Variants in EFCAB6 observed in about 807,000 individuals in gnomAD.
The protein encoded by EFCAB6 is EF-hand calcium binding domain 6, also known as EF-hand calcium-binding domain-containing protein 6.
Under a neutral mutation model 169.8 loss-of-function variants are expected in EFCAB6, and 156 were observed. That is an observed-to-expected ratio of 0.92 (90% CI 0.81 to 1.05). EFCAB6 has a LOEUF of 1.05. Ranked by LOEUF, EFCAB6 falls within the 50% of genes least tolerant of loss-of-function variation. The pLI, the probability that EFCAB6 is intolerant of heterozygous loss-of-function variation, is 0.00. For synonymous variants in EFCAB6, 698 were observed against 676.4 expected, an observed-to-expected ratio of 1.03 and a Z score of -0.50; for missense variants, 1,800 against 1,829.1, an observed-to-expected ratio of 0.98 and a Z score of 0.29.
chr22:43,730,678 G>A (rs1430766820), intron 8 of EFCAB6, among the ~76,000 whole-genome samples: 2 of 152,158 alleles, frequency 1.3e-5, no homozygotes, highest in African/African-American at 2.4e-5. Flanking sequence ...GTTATTTCTG[G>A]GTAGTGGGCT....
intron 30 of EFCAB6, among the ~76,000 whole-genome samples, chr22:43,534,203 T>A (rs2047252400): frequency 6.6e-6 from 1 of 152,198 alleles, no homozygotes; most frequent in Non-Finnish European, 1.5e-5. Context: ...CTTGCTGTTC[T>A]TGTGAGAGTG....
At chr22:43,802,150 G>A (rs923678856) in intron 2 of EFCAB6, among the ~76,000 whole-genome samples, 2 of 152,168 alleles carry the variant, frequency 1.3e-5, no homozygotes, top group South Asian at 2.1e-4. Context: ...GAACTGACAA[G>A]AGGCTGTGTG....
intron 27 of EFCAB6, chr22:43,552,942 G>T (rs772871533): frequency 3.3e-5 from 5 of 152,104 alleles, no homozygotes; most frequent in Non-Finnish European, 7.3e-5. Context: ...CGGCTTTGAC[G>T]TGCAATGGGG....
rs2049930304 is a variant in EFCAB6, at chr22:43,572,196, G to A, written c.3420+4101C>T. Among the ~76,000 whole-genome samples the A allele has an allele frequency of 6.6e-6, 1 of 152,206 alleles. No individual in the cohort carries two copies. The highest frequency in any genetic ancestry group is 1.9e-4 in the East Asian group (1 of 5,194). On this transcript the variant is annotated intron_variant, in intron 26 of 31. Transcript: ENST00000262726. This position sits in a 1 kb window ranked among gnomAD's most constrained non-coding sequence, Gnocchi z 4.0. ...AATTTTCTCATGAGGATGTTGAGCA[G>A]GTGCTTCTGGAGGTGAAGGCAACTC...
At chr22:43,548,569 A>AAAAAAAT (rs1569140151) in intron 27 of EFCAB6, among the ~76,000 whole-genome samples, 1 of 129,812 alleles carries the variant, frequency 7.7e-6, no homozygotes, top group African/African-American at 2.9e-5. Context: ...AAAAAAAAAA[A>AAAAAAAT]AGGTCAACTC....
intron 27 of EFCAB6, chr22:43,552,778 A>G (rs141224938): frequency 9.5e-4 from 145 of 152,340 alleles, no homozygotes; most frequent in Middle Eastern, 3.4e-3. Context: ...CTATAATTAG[A>G]GTAAAATTTT....
intron 7 of EFCAB6, among the ~76,000 whole-genome samples, chr22:43,735,537 C>T (rs565468044): frequency 1.1e-4 from 14 of 126,694 alleles, no homozygotes; most frequent in Admixed American, 3.3e-4. Context: ...GATGGGGGGG[C>T]GGGCACAGTG....
At chr22:43,666,529 GC>G (rs2057256456) in intron 17 of EFCAB6, among the ~76,000 whole-genome samples, 1 of 152,252 alleles carries the variant, frequency 6.6e-6, no homozygotes, top group East Asian at 1.9e-4. Flanking sequence ...AGGATGATTA[GC>G]TAGAGGGATC....
rs202108291 is a variant in EFCAB6, at chr22:43,537,372, C to A, written c.4048+5G>T. On this transcript the variant is annotated splice_donor_5th_base_variant and intron_variant, in intron 29 of 31. Transcript: ENST00000262726. The surrounding 1 kb of genome is among the most constrained non-coding windows in gnomAD (Gnocchi z 4.3). ...TATTACCAAGCAGATAGAATCTGAACGAACCCAGGAAATCGGAGGCGTTGA... is the reference window on the plus strand; with the variant it reads ...TATTACCAAGCAGATAGAATCTGAAAGAACCCAGGAAATCGGAGGCGTTGA... The A allele has an allele frequency of 5.3e-4, 860 of 1,613,730 alleles. 2 individuals are homozygous for A. The African/African-American group carries it at 0.011, about 20-fold the overall frequency.
intron 26 of EFCAB6, among the ~76,000 whole-genome samples, chr22:43,557,715 A>T (rs1471487216): frequency 6.6e-6 from 1 of 152,218 alleles, no homozygotes; most frequent in Non-Finnish European, 1.5e-5. Flanking sequence ...AACATGTCAA[A>T]AGAAAAAATA....
chr22:43,647,455 T>C (rs1300186870), intron 17 of EFCAB6, among the ~76,000 whole-genome samples: 2 of 152,188 alleles, frequency 1.3e-5, no homozygotes, highest in Non-Finnish European at 2.9e-5. Context: ...ATCCAGGAAC[T>C]GGGAATACAA....
chr22:43,658,997 C>T (rs1289942283), intron 17 of EFCAB6, among the ~76,000 whole-genome samples: 1 of 152,228 alleles, frequency 6.6e-6, no homozygotes, highest in African/African-American at 2.4e-5. Context: ...GCTCCGTGTG[C>T]TGAATCTGAC....
At chr22:43,735,020 G>A (rs1017534992) in intron 7 of EFCAB6, among the ~76,000 whole-genome samples, 7 of 152,166 alleles carry the variant, frequency 4.6e-5, no homozygotes, top group South Asian at 2.1e-4. Flanking sequence ...GGTCTGGAGC[G>A]TATTTAGAAA....
chr22:43,795,446 G>T lies in EFCAB6; in HGVS notation c.-7-13121C>A, dbSNP rs983587331. Among the ~76,000 whole-genome samples the T allele has an allele frequency of 1.3e-5, 2 of 152,108 alleles. No homozygotes were observed. The highest frequency in any genetic ancestry group is 4.8e-5 in the African/African-American group (2 of 41,402). On this transcript the variant is annotated intron_variant, in intron 2 of 31. Transcript: ENST00000262726. The surrounding 1 kb of genome is among the most constrained non-coding windows in gnomAD (Gnocchi z 4.2). ...CTACCAGTGCCCACTAGGCAGGAGA[G>T]GAGCTGCCTCCTGCCCACATCTCCC...
intron 13 of EFCAB6, among the ~76,000 whole-genome samples, chr22:43,677,165 T>C (rs1261752941): frequency 6.6e-6 from 1 of 152,232 alleles, no homozygotes; most frequent in African/African-American, 2.4e-5. Flanking sequence ...TAATAGCTAT[T>C]AAAGTTATAG....
intron 24 of EFCAB6, among the ~76,000 whole-genome samples, chr22:43,583,029 C>T (rs1012782452): frequency 6.6e-5 from 10 of 152,204 alleles, no homozygotes; most frequent in African/African-American, 2.4e-4. Context: ...CTGTTTGTTC[C>T]CACTGACTAA....
intron 17 of EFCAB6, among the ~76,000 whole-genome samples, chr22:43,655,380 T>G (rs1297189705): frequency 1.3e-5 from 2 of 152,088 alleles, no homozygotes; most frequent in Admixed American, 6.6e-5. Context: ...TGGTGAACAA[T>G]GATTTCTATT....
intron 20 of EFCAB6, among the ~76,000 whole-genome samples, chr22:43,619,184 T>C (rs1728978189): frequency 6.6e-6 from 1 of 152,184 alleles, no homozygotes; most frequent in African/African-American, 2.4e-5. Flanking sequence ...ATGATTACTG[T>C]GTAGTTAAGA....
chr22:43,598,253 G>A (rs2052176265), intron 23 of EFCAB6, among the ~76,000 whole-genome samples: 1 of 137,458 alleles, frequency 7.3e-6, no homozygotes, highest in South Asian at 2.3e-4. Flanking sequence ...GCTGCAGTGA[G>A]CCGTGATGGA....
Sources: gnomAD v4.1 joint callset for allele counts (sites outside exome capture counted in the v4.1 genomes callset) on GRCh38, gnomAD v4.1.1 for gene constraint, Gnocchi (gnomAD v3.1) non-coding constraint, MANE v1.5 for transcripts, NCBI Gene and HGNC (gene_info 2026-07-23, HGNC 2026-07-21) for gene names.